NRG2: variants seen among roughly 807,000 people sequenced by gnomAD.
The protein encoded by NRG2 is neuregulin 2.
In NRG2, 27 loss-of-function variants were observed where a neutral mutation model predicts 73.9. The observed-to-expected ratio is 0.37, with a 90% confidence interval of 0.27 to 0.50. The LOEUF is 0.50. Ranked by LOEUF, NRG2 falls within the 20% of genes least tolerant of loss-of-function variation. NRG2 has a pLI of 0.96. For synonymous variants in NRG2, 532 were observed against 541.0 expected (o/e 0.98, Z 0.23); for missense variants, 1,126 against 1,210.1 (o/e 0.93, Z 1.03).
At chr5:140,000,755 G>A (rs554656306) in intron 1 of NRG2, among the ~76,000 whole-genome samples, 7 of 152,256 alleles carry the variant, frequency 4.6e-5, no homozygotes, top group African/African-American at 1.4e-4. Flanking sequence ...CTATTGCTCT[G>A]GAAGCTGAAG....
chr5:139,877,020 C>G (rs1174206054), intron 3 of NRG2, among the ~76,000 whole-genome samples: 1 of 151,622 alleles, frequency 6.6e-6, no homozygotes, highest in Non-Finnish European at 1.5e-5. Context: ...GAGGCCTCTC[C>G]AGGGCTTCCA....
chr5:139,990,387 C>A (rs578197796), intron 1 of NRG2, among the ~76,000 whole-genome samples: 1 of 151,934 alleles, frequency 6.6e-6, no homozygotes, highest in East Asian at 1.9e-4. Context: ...ACTACCACAA[C>A]CTCCACCTCC....
intron 1 of NRG2, 89 bp downstream of exon 1, chr5:140,042,281 G>A: frequency 1.7e-5 from 2 of 116,502 alleles, no homozygotes; most frequent in Non-Finnish European, 2.6e-5. Flanking sequence ...TGCCAGGCCC[G>A]GGCACCTGCA....
At chr5:139,982,732 C>T (rs1756901732) in intron 1 of NRG2, among the ~76,000 whole-genome samples, 1 of 152,170 alleles carries the variant, frequency 6.6e-6, no homozygotes, top group Admixed American at 6.5e-5. Context: ...CGGGTGTTAT[C>T]CTCTTCCCAT....
chr5:139,973,632 G>T (rs1320352482), intron 1 of NRG2, among the ~76,000 whole-genome samples: 1 of 152,172 alleles, frequency 6.6e-6, no homozygotes, highest in Non-Finnish European at 1.5e-5. Context: ...AAAATGCTAG[G>T]ATTACAGGTG....
At chr5:139,977,944 CAGG>C (rs1756501746) in intron 1 of NRG2, among the ~76,000 whole-genome samples, 1 of 152,188 alleles carries the variant, frequency 6.6e-6, no homozygotes, top group Non-Finnish European at 1.5e-5. Context: ...AAAATTAATT[CAGG>C]ATGGATTAAA....
Position 139,865,707 on chromosome 5 carries a change from A to G in NRG2, c.1113-82T>C. ...AGGTTAGAAATCAAAGTGCACAGTGATGAATGAGAAAAACCAAGTCAGGCA... is the reference window on the plus strand; with the variant it reads ...AGGTTAGAAATCAAAGTGCACAGTGGTGAATGAGAAAAACCAAGTCAGGCA... On this transcript the variant is annotated intron_variant, in intron 4 of 9. Transcript: ENST00000361474. This position sits in a 1 kb window ranked among gnomAD's most constrained non-coding sequence, Gnocchi z 5.2. 2.5e-6 allele frequency: 3 copies of G among 1,209,974 alleles called. No individual in the cohort carries two copies. The highest frequency in any genetic ancestry group is 3.5e-6 in the Non-Finnish European group (3 of 846,554). The allele number at this position is 1,209,974 out of a possible 1,614,324, so 75.0% of individuals were successfully genotyped here.
chr5:139,946,047 G>A (rs1001018371), intron 1 of NRG2, among the ~76,000 whole-genome samples: 1 of 152,030 alleles, frequency 6.6e-6, no homozygotes, highest in Non-Finnish European at 1.5e-5. Context: ...TCCCCAGATC[G>A]ATCTACAGAT....
intron 1 of NRG2, among the ~76,000 whole-genome samples, chr5:140,015,335 T>C (rs1462440085): frequency 1.3e-5 from 2 of 152,190 alleles, no homozygotes; most frequent in South Asian, 4.1e-4. Context: ...CAAATATTAC[T>C]CAATGAATGG....
chr5:139,898,673 T>C (rs958194923), intron 1 of NRG2, among the ~76,000 whole-genome samples: 2 of 152,228 alleles, frequency 1.3e-5, no homozygotes, highest in Non-Finnish European at 2.9e-5. Flanking sequence ...GTGCCGTCCC[T>C]TTTCCCATCC....
At chr5:139,961,048 G>C (rs1755018953) in intron 1 of NRG2, among the ~76,000 whole-genome samples, 1 of 152,206 alleles carries the variant, frequency 6.6e-6, no homozygotes, top group African/African-American at 2.4e-5. Flanking sequence ...TGAGAGGCTT[G>C]GATGAAAGGC....
intron 4 of NRG2, chr5:139,871,141 A>G (rs1035839644): frequency 1.3e-5 from 2 of 153,756 alleles, no homozygotes; most frequent in African/African-American, 2.4e-5. Context: ...TCTTTGTACA[A>G]TGGGGTCCTG....
intron 1 of NRG2, among the ~76,000 whole-genome samples, chr5:139,925,222 C>T (rs376165379): frequency 1.2e-4 from 19 of 152,126 alleles, no homozygotes; most frequent in African/African-American, 4.6e-4. Context: ...GTAGAAAATT[C>T]CCTATGAAGC....
At position 139,848,495 on chromosome 5, in the gene NRG2, C is replaced by T. The variant is rs1328302939; in HGVS notation, c.1975G>A (p.Gly659Arg). 7.4e-7 allele frequency: 1 copy of T among 1,357,646 alleles called. No homozygotes were observed. Among genetic ancestry groups the T allele is most frequent in the Non-Finnish European group, 9.4e-7 (1 of 1,068,404 alleles). 84.1% of individuals were successfully genotyped at this position (1,357,646 alleles called of 1,614,324 possible). ...CCGGGCCCGGGCCCGGGCCCGGGTC[C>T]GGGTCCCGGGCCGGGGGGCGCCGGG... ...RHPAPPGPGP[G>R]PGPGPGPGAD... The change falls in exon 10 of 10, where the codon GGA becomes AGA. Residue 659 changes from glycine to arginine, a missense_variant. Gly to Arg is a moderately radical substitution (Grantham distance 125). Around this residue, in one of 3 missense-constraint regions of NRG2, gnomAD observed 402 missense variants for 357.8 expected, o/e 1.12. Coordinates refer to ENST00000361474, the MANE Select transcript of NRG2 (RefSeq NM_004883.3).
intron 1 of NRG2, among the ~76,000 whole-genome samples, chr5:139,986,473 G>C (rs1257051323): frequency 6.6e-6 from 1 of 152,162 alleles, no homozygotes; most frequent in Non-Finnish European, 1.5e-5. Flanking sequence ...CGGAGAGAAA[G>C]AAGCAAAAAG....
At chr5:139,991,540 T>C (rs1174458326) in intron 1 of NRG2, among the ~76,000 whole-genome samples, 1 of 151,950 alleles carries the variant, frequency 6.6e-6, no homozygotes, top group Non-Finnish European at 1.5e-5. Context: ...GCTCACTGAG[T>C]GTGCACCACC....
chr5:139,908,579 T>C (rs1287264883), intron 1 of NRG2, among the ~76,000 whole-genome samples: 1 of 152,204 alleles, frequency 6.6e-6, no homozygotes, highest in Non-Finnish European at 1.5e-5. Context: ...GGTGAGGTAA[T>C]TTTTGTCTAA....
Position 139,964,800 on chromosome 5 carries a change from C to A in NRG2, c.701-77289G>T, listed in dbSNP as rs116524154. ...CAGAGAGAGGGAGGGCCCTTCCCAA[C>A]TTTCCCCATGACCCTCACTCAAACC... On this transcript the variant is annotated intron_variant, in intron 1 of 9. Transcript: ENST00000361474. 6.0e-3 allele frequency among the ~76,000 whole-genome samples: 921 copies of A among 152,334 alleles called. 10 individuals carry two copies. Among genetic ancestry groups the A allele is most frequent in the African/African-American group, 0.021 (870 of 41,578 alleles).
At chr5:140,010,117 GTGAAACCCTGTCTCTAC>G (rs1204763195) in intron 1 of NRG2, among the ~76,000 whole-genome samples, 4 of 152,092 alleles carry the variant, frequency 2.6e-5, no homozygotes, top group African/African-American at 9.7e-5. Context: ...GGCCAACGTG[GTGAAACCCTGTCTCTAC>G]TAAAAATACA....
Sources: allele counts gnomAD v4.1 joint callset (sites outside exome capture counted in the v4.1 genomes callset), GRCh38; gene constraint gnomAD v4.1.1; regional missense constraint gnomAD v4.1.1; non-coding constraint Gnocchi (gnomAD v3.1); transcripts MANE v1.5; gene names NCBI Gene and HGNC (gene_info 2026-07-23, HGNC 2026-07-21).